The following DNAH17 variants were observed in gnomAD, a reference collection of about 807,000 sequenced individuals.
The protein encoded by DNAH17 is axonemal beta dynein heavy chain 17.
DNAH17 carries 376 observed loss-of-function variants against 485.6 expected under a neutral mutation model. The ratio of observed to expected loss-of-function variants is 0.77; its 90% CI spans 0.71 to 0.84. DNAH17 has a LOEUF of 0.84. DNAH17 is among the 40% of genes least tolerant of loss of function. DNAH17 has a pLI of 0.00. For synonymous variants in DNAH17, 3,031 were observed against 2,405.9 expected, an observed-to-expected ratio of 1.26 and a Z score of -7.60; for missense variants, 6,370 against 5,839.3, an observed-to-expected ratio of 1.09 and a Z score of -2.96.
At chr17:78,433,452 C>T (rs770676429) in intron 75 of DNAH17, among the ~76,000 whole-genome samples, 4 of 152,334 alleles carry the variant, frequency 2.6e-5, no homozygotes, top group East Asian at 1.9e-4. Flanking sequence ...TGCTGCAGAC[C>T]GTTTACGGAG....
intron 16 of DNAH17, among the ~76,000 whole-genome samples, chr17:78,546,762 C>T (rs2091774114): frequency 6.6e-6 from 1 of 152,116 alleles, no homozygotes; most frequent in Non-Finnish European, 1.5e-5. Flanking sequence ...AAAAATTTAC[C>T]AGGCATGGTG....
chr17:78,437,574 GC>G, intron 74 of DNAH17, 66 bp downstream of exon 74: 1 of 1,370,308 alleles, frequency 7.3e-7, no homozygotes, highest in Non-Finnish European at 1.0e-6. Context: ...GGTCCTCGGG[GC>G]CCCAAGGGAT....
At chr17:78,556,643 A>G (rs1057028293) in intron 14 of DNAH17, among the ~76,000 whole-genome samples, 6 of 152,140 alleles carry the variant, frequency 3.9e-5, no homozygotes, top group African/African-American at 7.2e-5. Flanking sequence ...GAAGGAGGAC[A>G]AGCACAGTGA....
chr17:78,513,350 CTTT>C (rs1051093849), intron 26 of DNAH17, among the ~76,000 whole-genome samples: 1 of 152,220 alleles, frequency 6.6e-6, no homozygotes, highest in African/African-American at 2.4e-5. Flanking sequence ...AAATATGTTT[CTTT>C]GACATAGTTT....
At chr17:78,475,514 A>T in intron 53 of DNAH17, 45 bp from the exon 54 acceptor site, 1 of 1,612,196 alleles carries the variant, frequency 6.2e-7, no homozygotes, top group Non-Finnish European at 8.5e-7. Context: ...AGCACCTGGA[A>T]TCACCTCTGT....
intron 16 of DNAH17, among the ~76,000 whole-genome samples, chr17:78,550,124 C>T (rs946859540): frequency 3.3e-5 from 5 of 152,094 alleles, no homozygotes; most frequent in Admixed American, 6.5e-5. Flanking sequence ...TGTGGGGAGG[C>T]GTGGGGAGGA....
In DNAH17 at chr17:78,455,847, A is replaced by G. The variant is rs75087168; in HGVS notation, c.9978-11T>C. 9.0e-4 allele frequency: 1,412 copies of G among 1,576,770 alleles called. 10 individuals carry two copies. In the East Asian group the frequency reaches 0.01, roughly 12 times the overall value. ...AATCCCCCGACCAGCCTAAAGTGGG[A>G]TGAGAGAGAATAAAACATATTTGCA... is the stretch of plus-strand genomic sequence containing the variant. On this transcript the variant is annotated splice_polypyrimidine_tract_variant and intron_variant, in intron 62 of 80. Transcript: ENST00000389840.
Position 78,486,520 on chromosome 17 carries a change from G to C in DNAH17, c.6819-14C>G, listed in dbSNP as rs893227442. ...CTGCTCACCACCCTGGGGGTGACAG[G>C]AGGCGCCGATGACACAGCCGCTGCT... On this transcript the variant is annotated splice_polypyrimidine_tract_variant and intron_variant, in intron 44 of 80. Transcript: ENST00000389840. The C allele has an allele frequency of 6.3e-6, 10 of 1,589,052 alleles. No homozygotes were observed. Among genetic ancestry groups the C allele is most frequent in the African/African-American group, 4.0e-5 (3 of 74,410 alleles).
chr17:78,568,142 A>G (rs1244286936), intron 9 of DNAH17, among the ~76,000 whole-genome samples: 1 of 152,138 alleles, frequency 6.6e-6, no homozygotes, highest in Non-Finnish European at 1.5e-5. Context: ...CAGCAAAGCC[A>G]TTTCCTCCAC....
intron 1 of DNAH17, among the ~76,000 whole-genome samples, chr17:78,575,824 A>G (rs920280633): frequency 1.3e-5 from 2 of 152,242 alleles, no homozygotes; most frequent in African/African-American, 4.8e-5. Flanking sequence ...CCAAACAGTC[A>G]TCAAGAGAAA....
At position 78,466,641 on chromosome 17, in the gene DNAH17, C is replaced by T; in HGVS notation, c.8940+14G>A. On this transcript the variant is annotated intron_variant, in intron 56 of 80. Transcript: ENST00000389840. ...GGGCTCTACACTCAGGCAGAGGTGG[C>T]CTCAGTGACTCACCGGAATCCCCTC... 3 of 1,599,362 alleles carry T rather than the reference C, an allele frequency of 1.9e-6. No homozygotes were observed. The highest frequency in any genetic ancestry group is 2.6e-6 in the Non-Finnish European group (3 of 1,173,082).
At chr17:78,541,482 A>G (rs7210821) in intron 17 of DNAH17, among the ~76,000 whole-genome samples, 116,025 of 151,540 alleles carry the variant, frequency 0.77, 44,489 homozygotes, top group African/African-American at 0.78. Flanking sequence ...CTCAGTCTAT[A>G]CCCTCAGGCA....
In DNAH17 at chr17:78,462,928, C is replaced by T. The variant is rs988429419; in HGVS notation, c.9090G>A (p.Leu3030=). ...FLEQIKLYQN[L]LAKKRTELVA... is the part of the protein sequence containing the mutation. ...CAAGTTCCGTTCTCTTCTTGGCCAG[C>T]AGGTTCTGGTACAGTTTGATCTGCT... Residue 3030 remains leucine, a synonymous_variant, in exon 57 of 81, where the codon CTG becomes CTA. Coordinates refer to ENST00000389840, the MANE Select transcript of DNAH17 (RefSeq NM_173628.4). The T allele has an allele frequency of 4.3e-6, 7 of 1,613,882 alleles. No individual in the cohort carries two copies. Among genetic ancestry groups the T allele is most frequent in the South Asian group, 2.2e-5 (2 of 91,082 alleles).
intron 23 of DNAH17, 68 bp downstream of exon 23, chr17:78,526,812 C>T (rs996007959): frequency 2.1e-5 from 32 of 1,555,622 alleles, no homozygotes; most frequent in Non-Finnish European, 2.7e-5. Context: ...ACCCTGTATG[C>T]CGCAGGGCCC....
chr17:78,506,359 A>G (rs943481176), intron 30 of DNAH17, among the ~76,000 whole-genome samples: 5 of 151,796 alleles, frequency 3.3e-5, no homozygotes, highest in African/African-American at 1.2e-4. Context: ...TGCTCTTGGG[A>G]CCCTGAGATT....
In DNAH17 at chr17:78,439,146, C is replaced by T. The variant is rs2086970536; in HGVS notation, c.11749G>A (p.Val3917Met). The stretch of plus-strand genomic sequence containing the variant: ...GCCACGTCCAGGGCGTTCTCAGCCA[C>T]CACCTCTTGTCCCTGCCCCAGGGAC... Reference protein sequence around the residue: ...NVSLGQGQEVVAENALDVAAE... With the variant: ...NVSLGQGQEVMAENALDVAAE... Residue 3917 changes from valine (V) to methionine (M), a missense_variant, in exon 73 of 81, where the codon GTG becomes ATG. Physicochemically the swap from Val to Met is conservative, Grantham distance 21. Transcript: ENST00000389840. 1 of 1,613,610 alleles carries T rather than the reference C, an allele frequency of 6.2e-7. No individual in the cohort carries two copies. Among genetic ancestry groups the T allele is most frequent in the Non-Finnish European group, 8.5e-7 (1 of 1,179,842 alleles).
chr17:78,451,184 G>A (rs1235779757), intron 66 of DNAH17, among the ~76,000 whole-genome samples: 2 of 152,380 alleles, frequency 1.3e-5, no homozygotes, highest in Non-Finnish European at 1.5e-5. Flanking sequence ...GCAGCGCTTT[G>A]GAGCTTAGAG....
intron 58 of DNAH17, among the ~76,000 whole-genome samples, chr17:78,460,855 A>C (rs1204346863): frequency 6.6e-6 from 1 of 152,176 alleles, no homozygotes; most frequent in African/African-American, 2.4e-5. Flanking sequence ...CTAAGAAAGT[A>C]GCACCTCCTT....
At position 78,450,794 on chromosome 17, in the gene DNAH17, T is replaced by C. The variant is rs1365614061; in HGVS notation, c.10787A>G (p.Glu3596Gly). Residue 3596 changes from glutamate (E) to glycine (G), a missense_variant, in exon 67 of 81, where the codon GAA (glutamate) becomes GGA (glycine). Glu to Gly is a moderately conservative substitution (Grantham distance 98). Coordinates refer to ENST00000389840, the MANE Select transcript of DNAH17 (RefSeq NM_173628.4). ...CGACAGACGGGCCAGGAGCGAATCT[T>C]CCAGCTCTTTCAGAACAATCTTAAA... ...NEFKIVLKEL[E>G]DSLLARLSAA... is the part of the protein sequence containing the mutation. The C allele has an allele frequency of 6.2e-7, 1 of 1,613,934 alleles. No individual in the cohort carries two copies. The highest frequency in any genetic ancestry group is 8.5e-7 in the Non-Finnish European group (1 of 1,179,900).
Sources: gnomAD v4.1 joint callset for allele counts (sites outside exome capture counted in the v4.1 genomes callset) on GRCh38, gnomAD v4.1.1 for gene constraint, MANE v1.5 for transcripts, NCBI Gene and HGNC (gene_info 2026-07-23, HGNC 2026-07-21) for gene names.